The following RGS5 variants were observed in gnomAD, a reference collection of about 807,000 sequenced individuals.
RGS5 encodes regulator of G-protein signalling 5.
In RGS5, 20 loss-of-function variants were observed where a neutral mutation model predicts 18.9. That is an observed-to-expected ratio of 1.06 (90% CI 0.74 to 1.54). The LOEUF (loss-of-function observed/expected upper bound fraction) is 1.54, where lower values mean the gene tolerates loss of function less well. RGS5 is among the 40% of genes most tolerant of loss of function. The pLI is 0.00. For missense variants in RGS5, 201 were observed against 211.8 expected, an observed-to-expected ratio of 0.95 and a Z score of 0.32; for synonymous variants, 57 against 76.2, an observed-to-expected ratio of 0.75 and a Z score of 1.31.
At chr1:163,279,915 A>G (rs533997492) in intron 2 of RGS5, among the ~76,000 whole-genome samples, 2 of 152,200 alleles carry the variant, frequency 1.3e-5, no homozygotes, top group African/African-American at 4.8e-5. Flanking sequence ...GAAAAAATAA[A>G]TAAATTCCTG....
chr1:163,264,600 T>A (rs1648530984), intron 2 of RGS5, among the ~76,000 whole-genome samples: 1 of 152,140 alleles, frequency 6.6e-6, no homozygotes, highest in Non-Finnish European at 1.5e-5. Context: ...TCCAACAAAC[T>A]TATCTTAAAC....
chr1:163,233,721 T>C (rs1026487853), intron 2 of RGS5, among the ~76,000 whole-genome samples: 1 of 152,048 alleles, frequency 6.6e-6, no homozygotes, highest in African/African-American at 2.4e-5. Context: ...TCTTAAAAAG[T>C]GCATTCTCAA....
At chr1:163,279,208 C>G (rs57815121) in intron 2 of RGS5, among the ~76,000 whole-genome samples, 1 of 152,060 alleles carries the variant, frequency 6.6e-6, no homozygotes, top group African/African-American at 2.4e-5. Flanking sequence ...CCTCCAACAG[C>G]TGCAGAATAC....
At chr1:163,205,166 G>T (rs973953669), upstream of RGS5, among the ~76,000 whole-genome samples, 1 of 151,934 alleles carries the variant, frequency 6.6e-6, no homozygotes, top group Non-Finnish European at 1.5e-5. Flanking sequence ...GTTAGAAATG[G>T]GAGAAATGGA....
At chr1:163,282,393 C>T (rs1253226839) in intron 2 of RGS5, among the ~76,000 whole-genome samples, 3 of 152,072 alleles carry the variant, frequency 2.0e-5, no homozygotes, top group Admixed American at 2.0e-4. Flanking sequence ...CATCTCCCCC[C>T]AGTTAGGATA....
At chr1:163,314,070 AGTT>A (rs1649948150) in intron 1 of RGS5, among the ~76,000 whole-genome samples, 1 of 151,956 alleles carries the variant, frequency 6.6e-6, no homozygotes, top group Non-Finnish European at 1.5e-5. Context: ...TACTTCATGC[AGTT>A]GTTGTGATAA....
At position 163,227,616 on chromosome 1, in the gene RGS5, C is replaced by A. The variant is rs531068975; in HGVS notation, c.-280-59248G>T. Among the ~76,000 whole-genome samples the A allele has an allele frequency of 1.8e-4, 26 of 145,712 alleles. 1 individual carries two copies. In the South Asian group the frequency reaches 5.8e-3, roughly 33 times the overall value. ...TCCCAAATCTCATGTCCTCACATTT[C>A]AAAACACAATCATGCCCTTCCAACA... is the stretch of plus-strand genomic sequence containing the variant. On this transcript the variant is annotated intron_variant, in intron 2 of 5. Transcript: ENST00000618415.
intron 1 of RGS5, among the ~76,000 whole-genome samples, chr1:163,313,619 C>A (rs1268061741): frequency 1.3e-5 from 2 of 152,168 alleles, no homozygotes; most frequent in African/African-American, 4.8e-5. Context: ...ATCCCTTGAA[C>A]AACAAAGCAT....
At chr1:163,231,799 G>C (rs1233624531) in intron 2 of RGS5, among the ~76,000 whole-genome samples, 1 of 149,250 alleles carries the variant, frequency 6.7e-6, no homozygotes, top group Non-Finnish European at 1.5e-5. Context: ...CTTATCTTCA[G>C]GGTTAAAATT....
At chr1:163,267,736 G>A (rs1052305952) in intron 2 of RGS5, among the ~76,000 whole-genome samples, 2 of 152,076 alleles carry the variant, frequency 1.3e-5, no homozygotes, top group African/African-American at 4.8e-5. Context: ...AAATTCAAAG[G>A]CATAGGTCAT....
rs1657594988 is a variant in RGS5 at position 163,156,744 on chromosome 1, T to C, written c.218-4028A>G. On this transcript the variant is annotated intron_variant, in intron 3 of 4. Coordinates refer to ENST00000313961, the MANE Select transcript of RGS5 (RefSeq NM_003617.4). Reference sequence around the variant, plus strand: ...AAAAATTAATTATGGATTTTGCTGCTGTTATAGCATTTTATTTCATGGGCA... The same window carrying C: ...AAAAATTAATTATGGATTTTGCTGCCGTTATAGCATTTTATTTCATGGGCA... 2.0e-5 allele frequency among the ~76,000 whole-genome samples: 3 copies of C among 152,304 alleles called. No individual in the cohort carries two copies. In the South Asian group the frequency reaches 6.2e-4, roughly 32 times the overall value.
intron 2 of RGS5, among the ~76,000 whole-genome samples, chr1:163,262,151 C>CTTTTTTTTTTTTT (rs532698783): frequency 2.6e-4 from 32 of 121,088 alleles, no homozygotes; most frequent in African/African-American, 8.1e-4. Flanking sequence ...AGTTTTGAAA[C>CTTTTTTTTTTTTT]TTTTTTTTTT....
intron 2 of RGS5, among the ~76,000 whole-genome samples, chr1:163,285,883 T>C (rs1649130720): frequency 1.3e-5 from 2 of 152,150 alleles, no homozygotes; most frequent in Admixed American, 6.5e-5. Flanking sequence ...AGCAGAATCC[T>C]GTACAGCCCA....
intron 2 of RGS5, among the ~76,000 whole-genome samples, chr1:163,232,742 G>A (rs969588029): frequency 1.3e-5 from 2 of 152,068 alleles, no homozygotes; most frequent in Non-Finnish European, 2.9e-5. Context: ...TGTGGGCTAG[G>A]GTCATCAGAA....
At chr1:163,174,895 G>T (rs546454782) in intron 1 of RGS5, among the ~76,000 whole-genome samples, 2 of 152,262 alleles carry the variant, frequency 1.3e-5, no homozygotes, top group South Asian at 4.2e-4. Context: ...AGAAGCATAA[G>T]GCAAGATTTT....
At chr1:163,186,073 CT>C (rs34446894) in intron 1 of RGS5, among the ~76,000 whole-genome samples, 45,947 of 138,622 alleles carry the variant, frequency 0.33, 7,135 homozygotes, top group African/African-American at 0.38. Context: ...AAAAAAAGGT[CT>C]TTTTTTTTTT....
At chr1:163,249,105 G>C (rs1477923921) in intron 2 of RGS5, among the ~76,000 whole-genome samples, 1 of 152,132 alleles carries the variant, frequency 6.6e-6, no homozygotes, top group Non-Finnish European at 1.5e-5. Context: ...TTACCCTATA[G>C]GGCATGAGGT....
rs1657044709 is a variant in RGS5 at position 163,144,325 on chromosome 1, G to C, written c.*3017C>G. 6.6e-6 allele frequency: 1 copy of C among 152,128 alleles called. No individual in the cohort carries two copies. The allele number at this position is 152,128 out of a possible 1,614,324, so 9.4% of individuals were successfully genotyped here. ...ACATACGTCCTTAATTAACTGTGGAGTTAATAGTCTGTCTCTTTGTCCTGA... is the reference window on the plus strand; with the variant it reads ...ACATACGTCCTTAATTAACTGTGGACTTAATAGTCTGTCTCTTTGTCCTGA... On this transcript the variant is annotated 3_prime_UTR_variant, in exon 5 of 5. Coordinates refer to ENST00000313961, the MANE Select transcript of RGS5 (RefSeq NM_003617.4).
chr1:163,251,261 G>C (rs1648101006), intron 2 of RGS5, among the ~76,000 whole-genome samples: 1 of 151,960 alleles, frequency 6.6e-6, no homozygotes, highest in South Asian at 2.1e-4. Context: ...TCAGTGGAGT[G>C]GAAGTATATA....
Sources: gnomAD v4.1 joint callset for allele counts (sites outside exome capture counted in the v4.1 genomes callset) on GRCh38, gnomAD v4.1.1 for gene constraint, MANE v1.5 for transcripts, NCBI Gene and HGNC (gene_info 2026-07-23, HGNC 2026-07-21) for gene names.